Variants in RBFOX1 observed in about 807,000 individuals in gnomAD.
RBFOX1 encodes the protein RNA binding fox-1 homolog 1, also known as RNA binding protein fox-1 homolog 1.
A neutral mutation model predicts 57.7 loss-of-function variants in RBFOX1; 8 were observed. That is an observed-to-expected ratio of 0.14 (90% CI 0.08 to 0.25). The LOEUF is 0.25. Among genes scored for constraint, RBFOX1 ranks in the 10% least tolerant of loss-of-function variants. The probability of loss-of-function intolerance (pLI) is 1.00; values close to 1 mark genes in which losing one functional copy is unlikely to be tolerated. For missense variants in RBFOX1, 611 were observed against 548.5 expected (o/e 1.11, Z -1.14); for synonymous variants, 326 against 222.4 (o/e 1.47, Z -4.15).
intron 3 of RBFOX1, among the ~76,000 whole-genome samples, chr16:5,705,587 A>C (rs1249232616): frequency 1.3e-5 from 2 of 152,170 alleles, no homozygotes; most frequent in African/African-American, 4.8e-5. Flanking sequence ...GACTAACAGC[A>C]AACTAAGAAA....
intron 2 of RBFOX1, among the ~76,000 whole-genome samples, chr16:5,536,228 CTTTTTTTTTT>C (rs57061495): frequency 1.9e-5 from 2 of 103,538 alleles, no homozygotes; most frequent in Non-Finnish European, 1.9e-5. Flanking sequence ...AATCTCCTGT[CTTTTTTTTTT>C]TTTTTTTTTT....
At chr16:7,177,842 A>G (rs1246705714) in intron 4 of RBFOX1, among the ~76,000 whole-genome samples, 1 of 152,222 alleles carries the variant, frequency 6.6e-6, no homozygotes, top group African/African-American at 2.4e-5. Flanking sequence ...CTGTATTCCG[A>G]TAAAACTTTA....
At chr16:7,334,037 C>A (rs2096740044) in intron 4 of RBFOX1, among the ~76,000 whole-genome samples, 1 of 152,098 alleles carries the variant, frequency 6.6e-6, no homozygotes, top group Non-Finnish European at 1.5e-5. Context: ...CCCTCTGTCC[C>A]CTCCAGCCCC....
intron 2 of RBFOX1, among the ~76,000 whole-genome samples, chr16:5,575,949 T>C (rs2151143736): frequency 6.6e-6 from 1 of 151,914 alleles, no homozygotes; most frequent in Non-Finnish European, 1.5e-5. Flanking sequence ...CTTCTTTGGC[T>C]GGGGGGAGGG....
chr16:6,682,620 G>C (rs749113061), intron 3 of RBFOX1, among the ~76,000 whole-genome samples: 2 of 152,018 alleles, frequency 1.3e-5, no homozygotes, highest in East Asian at 1.9e-4. Context: ...CCAACCGCCA[G>C]ATGTCGAGAG....
intron 3 of RBFOX1, among the ~76,000 whole-genome samples, chr16:5,692,207 G>T (rs866252812): frequency 1.8e-4 from 20 of 110,336 alleles, no homozygotes; most frequent in African/African-American, 4.4e-4. Flanking sequence ...GTGTGTGTGT[G>T]TGTGTGTTTG....
chr16:6,433,682 G>C (rs1004940449), intron 2 of RBFOX1, among the ~76,000 whole-genome samples: 1 of 151,934 alleles, frequency 6.6e-6, no homozygotes, highest in Non-Finnish European at 1.5e-5. Context: ...AGTTTCTTCC[G>C]GAGGCTCCAG....
intron 3 of RBFOX1, among the ~76,000 whole-genome samples, chr16:5,775,045 C>T (rs1209880216): frequency 1.3e-5 from 2 of 152,084 alleles, no homozygotes; most frequent in East Asian, 1.9e-4. Flanking sequence ...AACCAAATCT[C>T]ACATAAAAAT....
At chr16:7,377,403 T>C (rs1001655569) in intron 4 of RBFOX1, among the ~76,000 whole-genome samples, 1 of 152,220 alleles carries the variant, frequency 6.6e-6, no homozygotes, top group Non-Finnish European at 1.5e-5. Flanking sequence ...TATGTCATTA[T>C]AGGTGACACA....
chr16:6,846,376 C>A (rs751661045), intron 3 of RBFOX1, among the ~76,000 whole-genome samples: 2 of 152,176 alleles, frequency 1.3e-5, no homozygotes, highest in Non-Finnish European at 2.9e-5. Flanking sequence ...CAACAGCAAG[C>A]TGTATTGCTG....
At chr16:5,735,185 C>T (rs375137935) in intron 3 of RBFOX1, among the ~76,000 whole-genome samples, 1 of 152,130 alleles carries the variant, frequency 6.6e-6, no homozygotes, top group Non-Finnish European at 1.5e-5. Flanking sequence ...GATGGAACCA[C>T]CTTTTAATAG....
intron 3 of RBFOX1, among the ~76,000 whole-genome samples, chr16:6,925,130 T>G (rs2075316373): frequency 1.0e-5 from 1 of 97,136 alleles, no homozygotes; most frequent in African/African-American, 4.1e-5. Flanking sequence ...TTTTTTTTTT[T>G]TTTTTTTTTT....
At chr16:6,819,714 A>C (rs1373734232) in intron 3 of RBFOX1, among the ~76,000 whole-genome samples, 1 of 138,532 alleles carries the variant, frequency 7.2e-6, no homozygotes, top group Non-Finnish European at 1.6e-5. Flanking sequence ...TCAAAAAAAA[A>C]AAAAAAAAAA....
intron 1 of RBFOX1, among the ~76,000 whole-genome samples, chr16:5,269,608 C>T (rs1400832170): frequency 6.6e-6 from 1 of 152,200 alleles, no homozygotes; most frequent in Non-Finnish European, 1.5e-5. Context: ...TCACATTCTA[C>T]ATGATTTCAT....
At chr16:6,564,516 G>C (rs915527093) in intron 2 of RBFOX1, among the ~76,000 whole-genome samples, 1 of 152,076 alleles carries the variant, frequency 6.6e-6, no homozygotes, top group Non-Finnish European at 1.5e-5. Context: ...AAACCTGGGG[G>C]ACACCGTGCT....
chr16:6,084,369 A>G (rs1211816970), intron 1 of RBFOX1, among the ~76,000 whole-genome samples: 1 of 151,864 alleles, frequency 6.6e-6, no homozygotes, highest in Non-Finnish European at 1.5e-5. Flanking sequence ...TCAGCCTCCC[A>G]GGCAGCTGGG....
chr16:6,443,151 G>T (rs2094420066), intron 2 of RBFOX1, among the ~76,000 whole-genome samples: 1 of 152,274 alleles, frequency 6.6e-6, no homozygotes, highest in Non-Finnish European at 1.5e-5. Context: ...AGGCCTGGGT[G>T]AGCTATTGTA....
intron 1 of RBFOX1, among the ~76,000 whole-genome samples, chr16:5,241,157 GC>G (rs891272667): frequency 3.9e-5 from 6 of 152,176 alleles, no homozygotes; most frequent in African/African-American, 9.7e-5. Context: ...CTGCCTCAGA[GC>G]CCCCCCTGCC....
At chr16:6,640,666 G>C (rs1289415120) in intron 2 of RBFOX1, among the ~76,000 whole-genome samples, 1 of 152,114 alleles carries the variant, frequency 6.6e-6, no homozygotes, top group Non-Finnish European at 1.5e-5. Context: ...GTGGGAAGTA[G>C]GTACATTGGG....
Sources: allele counts gnomAD v4.1 joint callset (sites outside exome capture counted in the v4.1 genomes callset), GRCh38; gene constraint gnomAD v4.1.1; transcripts MANE v1.5; gene names NCBI Gene and HGNC (gene_info 2026-07-23, HGNC 2026-07-21).